The following SLC7A9 variants were observed in gnomAD, a reference collection of about 807,000 sequenced individuals.
SLC7A9 encodes B(0,+)-type amino acid transporter 1.
SLC7A9 carries 38 observed loss-of-function variants against 54.1 expected under a neutral mutation model. That is an observed-to-expected ratio of 0.70 (90% confidence interval 0.54 to 0.92). The LOEUF is 0.92. Ranked by LOEUF, SLC7A9 falls within the 40% of genes least tolerant of loss-of-function variation. The pLI is 0.00. For synonymous variants in SLC7A9, 264 were observed against 258.9 expected, an observed-to-expected ratio of 1.02 and a Z score of -0.19; for missense variants, 537 against 636.1, an observed-to-expected ratio of 0.84 and a Z score of 1.68.
chr19:32,856,978 C>G (rs1436923984), intron 9 of SLC7A9, among the ~76,000 whole-genome samples: 1 of 152,066 alleles, frequency 6.6e-6, no homozygotes, highest in Non-Finnish European at 1.5e-5. Context: ...TGGTGAAACT[C>G]CGTCTCTACT....
At chr19:32,864,799 G>A (rs1272256922) in intron 2 of SLC7A9, 23 bp from the exon 3 acceptor site, 5 of 1,613,812 alleles carry the variant, frequency 3.1e-6, no homozygotes, top group Non-Finnish European at 3.4e-6. Flanking sequence ...GAAGGAAGAG[G>A]GCGTTAGTGC....
intron 2 of SLC7A9, among the ~76,000 whole-genome samples, chr19:32,865,788 T>C (rs1022201579): frequency 3.3e-5 from 5 of 152,094 alleles, no homozygotes; most frequent in Non-Finnish European, 5.9e-5. Context: ...CTGGCCAGCA[T>C]GGAGAAACCC....
intron 9 of SLC7A9, among the ~76,000 whole-genome samples, chr19:32,858,011 C>A (rs533508727): frequency 6.6e-6 from 1 of 152,178 alleles, no homozygotes; most frequent in South Asian, 2.1e-4. Flanking sequence ...TGCTAATTAG[C>A]AAATTAGTTT....
chr19:32,868,423 C>A (rs1969042129), intron 2 of SLC7A9, 25 bp downstream of exon 2: 2 of 1,600,816 alleles, frequency 1.2e-6, no homozygotes, highest in Non-Finnish European at 1.7e-6. Flanking sequence ...CTGCAAAGGG[C>A]CTGCCCCACC....
chr19:32,856,981 T>G (rs1455227250), intron 9 of SLC7A9, among the ~76,000 whole-genome samples: 2 of 151,942 alleles, frequency 1.3e-5, no homozygotes, highest in East Asian at 3.9e-4. Flanking sequence ...TGAAACTCCG[T>G]CTCTACTAAA....
At chr19:32,832,587 C>CAAA (rs746136682) in intron 12 of SLC7A9, among the ~76,000 whole-genome samples, 21 of 91,336 alleles carry the variant, frequency 2.3e-4, no homozygotes, top group Non-Finnish European at 3.5e-4. Context: ...GACTGTGTCT[C>CAAA]AAAAAAAAAA....
At chr19:32,856,474 G>T (rs777771039) in intron 9 of SLC7A9, among the ~76,000 whole-genome samples, 4 of 152,168 alleles carry the variant, frequency 2.6e-5, no homozygotes, top group African/African-American at 7.2e-5. Context: ...GATTACAGGC[G>T]TGAGCCACCA....
At chr19:32,854,991 C>T (rs1968577037) in intron 9 of SLC7A9, among the ~76,000 whole-genome samples, 1 of 152,172 alleles carries the variant, frequency 6.6e-6, no homozygotes, top group Non-Finnish European at 1.5e-5. Flanking sequence ...TGTCAGGTGT[C>T]TGCACTCCCA....
intron 1 of SLC7A9, among the ~76,000 whole-genome samples, chr19:32,869,053 C>CAA (rs5827824): frequency 1.0e-4 from 11 of 108,672 alleles, no homozygotes; most frequent in South Asian, 2.9e-4. Flanking sequence ...ACTAAAAATG[C>CAA]AAAAAAAAAA....
rs552252838 is a variant in SLC7A9, at chr19:32,838,280, A to G, written c.1224+3888T>C. ...ATGTTAAATTTTAATTATTTCATGT[A>G]TTCTAAGCACACTTCCTCTTTTTTA... On this transcript the variant is annotated intron_variant, in intron 11 of 12. Transcript: ENST00000023064. 5.3e-5 allele frequency among the ~76,000 whole-genome samples: 8 copies of G among 152,146 alleles called. No homozygotes were observed. In the East Asian group the frequency reaches 1.5e-3, roughly 29 times the overall value.
intron 9 of SLC7A9, among the ~76,000 whole-genome samples, chr19:32,849,117 TAAAAG>T (rs908796614): frequency 2.1e-4 from 32 of 151,828 alleles, no homozygotes; most frequent in African/African-American, 3.1e-4. Context: ...ACATCACAAT[TAAAAG>T]AACTAGAAAA....
intron 8 of SLC7A9, 110 bp downstream of exon 8, chr19:32,859,731 G>T (rs558335821): frequency 3.0e-6 from 3 of 984,134 alleles, no homozygotes; most frequent in Admixed American, 1.7e-5. Flanking sequence ...GTCCCCGTCC[G>T]TGAATATCGC....
chr19:32,865,566 AC>A (rs1968942880), intron 2 of SLC7A9, among the ~76,000 whole-genome samples: 1 of 152,224 alleles, frequency 6.6e-6, no homozygotes, highest in African/African-American at 2.4e-5. Flanking sequence ...AACAGGTGAA[AC>A]TAATCCACAG....
At chr19:32,865,126 C>T (rs1968929723) in intron 2 of SLC7A9, among the ~76,000 whole-genome samples, 1 of 152,098 alleles carries the variant, frequency 6.6e-6, no homozygotes, top group African/African-American at 2.4e-5. Context: ...ATCCTGTGCC[C>T]TCAATGAAAA....
chr19:32,860,013 G>A (rs751647103), intron 7 of SLC7A9, 49 bp from the exon 8 acceptor site: 12 of 1,613,654 alleles, frequency 7.4e-6, no homozygotes, highest in East Asian at 4.5e-5. Flanking sequence ...ACAGCCTCCC[G>A]CGGAAGATGG....
intron 11 of SLC7A9, among the ~76,000 whole-genome samples, chr19:32,838,749 A>G (rs1209659834): frequency 6.7e-6 from 1 of 148,444 alleles, no homozygotes; most frequent in Non-Finnish European, 1.5e-5. Flanking sequence ...ATGTAATGAT[A>G]CACATATACA....
At chr19:32,844,044 C>A in intron 9 of SLC7A9, 93 bp from the exon 10 acceptor site, 1 of 934,874 alleles carries the variant, frequency 1.1e-6, no homozygotes, top group South Asian at 1.4e-5. Context: ...CACCAAGGAG[C>A]CCTCGGGAGG....
At chr19:32,860,149 T>C in intron 7 of SLC7A9, 185 bp from the exon 8 acceptor site, 1 of 1,527,722 alleles carries the variant, frequency 6.5e-7, no homozygotes, top group Non-Finnish European at 8.8e-7. Flanking sequence ...ATGGAACTGT[T>C]TATAAAGCAA....
At chr19:32,835,783 T>C (rs1208238001) in intron 11 of SLC7A9, among the ~76,000 whole-genome samples, 1 of 152,180 alleles carries the variant, frequency 6.6e-6, no homozygotes, top group Non-Finnish European at 1.5e-5. Flanking sequence ...GTTTTCATTT[T>C]TATTGATATA....
Sources: allele counts gnomAD v4.1 joint callset (sites outside exome capture counted in the v4.1 genomes callset), GRCh38; gene constraint gnomAD v4.1.1; transcripts MANE v1.5; gene names NCBI Gene and HGNC (gene_info 2026-07-23, HGNC 2026-07-21).